Variants in SETDB1 observed in about 807,000 individuals in gnomAD.
The protein encoded by SETDB1 is histone-lysine N-methyltransferase SETDB1.
A neutral mutation model predicts 137.4 loss-of-function variants in SETDB1; 31 were observed. That is an observed-to-expected ratio of 0.23 (90% CI 0.17 to 0.30). The LOEUF (loss-of-function observed/expected upper bound fraction) is 0.30. SETDB1 is among the 10% of genes least tolerant of loss of function. The pLI is 1.00. For missense variants in SETDB1, 1,113 were observed against 1,631.5 expected (o/e 0.68, Z 5.47); for synonymous variants, 548 against 579.9 (o/e 0.95, Z 0.79).
Position 150,963,747 on chromosome 1 carries a change from A to AC in SETDB1, c.3672+10dup, listed in dbSNP as rs1670898158. On this transcript the variant is annotated splice_region_variant and intron_variant, in intron 20 of 21. Coordinates refer to ENST00000692827, the MANE Select transcript of SETDB1 (RefSeq NM_001366418.1). The stretch of plus-strand genomic sequence containing the variant: ...ACCTGGGCCGCTACCTCAACGTGAG[A>AC]CCCCTCTCCCCACCTCTAGATGCTG... The AC allele has an allele frequency of 6.2e-7, 1 of 1,612,944 alleles. No homozygotes were observed. Among genetic ancestry groups the AC allele is most frequent in the Admixed American group, 1.7e-5 (1 of 59,962 alleles).
intron 1 of SETDB1, 150 bp from the exon 2 acceptor site, chr1:150,927,554 A>T (rs753053588): frequency 1.5e-5 from 10 of 670,680 alleles, no homozygotes. Context: ...TCAGCATCAG[A>T]TTCTGGAGAA....
chr1:150,951,326 T>TC (rs1670484918), intron 13 of SETDB1, 39 bp from the exon 14 acceptor site: 1 of 1,423,756 alleles, frequency 7.0e-7, no homozygotes, highest in Non-Finnish European at 9.9e-7. Flanking sequence ...TGTTCTCTGA[T>TC]CCCCCCGCTC....
chr1:150,945,334 G>T (rs1356053766), intron 9 of SETDB1: 2 of 1,414,084 alleles, frequency 1.4e-6, no homozygotes, highest in Non-Finnish European at 1.8e-6. Context: ...GCATGGTTTT[G>T]ATTTATTTAT....
intron 18 of SETDB1, 109 bp from the exon 19 acceptor site, chr1:150,962,865 A>C: frequency 6.8e-7 from 1 of 1,470,704 alleles, no homozygotes; most frequent in South Asian, 1.2e-5. Context: ...TCCAGCATCT[A>C]ATCTTCCTCT....
In SETDB1 at chr1:150,949,215, C is replaced by T. The variant is rs776854168; in HGVS notation, c.1361C>T (p.Thr454Ile). The T allele has an allele frequency of 1.9e-6, 3 of 1,614,110 alleles. No individual in the cohort carries two copies. Among genetic ancestry groups the T allele is most frequent in the Non-Finnish European group, 1.7e-6 (2 of 1,180,000 alleles). The part of the protein sequence containing the change: ...QFKPVEPPQP[T>I]APPAPPFPPA... ...AAGCCAGTGGAACCCCCACAGCCTA[C>T]AGCTCCACCTGCCCCACCTTTCCCA... Residue 454 changes from threonine (T) to isoleucine (I), a missense_variant, in exon 11 of 22, where the codon ACA (threonine) becomes ATA (isoleucine). By Grantham distance (89) the Thr-to-Ile change is moderately conservative. Transcript: ENST00000692827.
intron 3 of SETDB1, among the ~76,000 whole-genome samples, chr1:150,939,604 C>T (rs796073153): frequency 5.9e-5 from 9 of 152,224 alleles, no homozygotes; most frequent in African/African-American, 1.9e-4. Flanking sequence ...GGATTACAGG[C>T]ATGAGCCACT....
intron 1 of SETDB1, among the ~76,000 whole-genome samples, chr1:150,926,961 A>G (rs1200221043): frequency 6.6e-6 from 1 of 152,230 alleles, no homozygotes; most frequent in African/African-American, 2.4e-5. Flanking sequence ...AAGTAATGAA[A>G]GAGAAAACAC....
chr1:150,928,746 C>A (rs1428214327), intron 2 of SETDB1, among the ~76,000 whole-genome samples: 1 of 151,078 alleles, frequency 6.6e-6, no homozygotes, highest in Non-Finnish European at 1.5e-5. Flanking sequence ...CCTCCCCCTT[C>A]CCCCCACCCC....
In SETDB1 at chr1:150,962,655, C is replaced by T. The variant is rs199779566; in HGVS notation, c.3230C>T (p.Pro1077Leu). 8 of 1,613,946 alleles carry T rather than the reference C, an allele frequency of 5.0e-6. No homozygotes were observed. The East Asian group carries it at 1.8e-4, about 36-fold the overall frequency. ...GTGAAGCCTGAAGGACTTCGCCGCC[C>T]ACCTAGTAAGACTAGTATGCATCAA... ...SPVKPEGLRRPPSKTSMHQSR... is the reference protein window; with the variant it reads ...SPVKPEGLRRLPSKTSMHQSR... The change falls in exon 18 of 22, where the codon CCA becomes CTA. Residue 1077 changes from proline (P) to leucine (L), a missense_variant. Pro to Leu is a moderately conservative substitution (Grantham distance 98). This residue lies in a region of SETDB1 where 373 missense variants were observed against 412.7 expected (regional missense o/e 0.90). Coordinates refer to ENST00000692827, the MANE Select transcript of SETDB1 (RefSeq NM_001366418.1).
In SETDB1 at chr1:150,960,802, G is replaced by C. The variant is rs1670792889; in HGVS notation, c.2743G>C (p.Glu915Gln). The change falls in exon 16 of 22, where the codon GAG (glutamate) becomes CAG (glutamine). Residue 915 changes from glutamate (E) to glutamine (Q), a missense_variant. Physicochemically the swap from Glu to Gln is conservative, Grantham distance 29. Transcript: ENST00000692827. ...CTCAGATGATAACTTCTGTAAGGAT[G>C]AGGACTTCAGCACCAGTTCAGTGTG... is the stretch of plus-strand genomic sequence containing the variant. ...DSSDDNFCKDEDFSTSSVWRS... is the reference protein window; with the variant it reads ...DSSDDNFCKDQDFSTSSVWRS... 4 of 1,608,498 alleles carry C rather than the reference G, an allele frequency of 2.5e-6. No homozygotes were observed. The South Asian group carries it at 4.4e-5, about 18-fold the overall frequency.
At position 150,964,508 on chromosome 1, in the gene SETDB1, T is replaced by C. The variant is rs1272710115; in HGVS notation, c.*144T>C. 1 of 719,534 alleles carries C rather than the reference T, an allele frequency of 1.4e-6. No homozygotes were observed. Among genetic ancestry groups the C allele is most frequent in the African/African-American group, 1.7e-5 (1 of 57,402 alleles). The allele number at this position is 719,534 out of a possible 1,614,324, so 44.6% of individuals were successfully genotyped here. A position where few individuals can be genotyped will look rare whatever the true frequency, so the allele number is the denominator to read the frequency against. On this transcript the variant is annotated 3_prime_UTR_variant, in exon 22 of 22. Transcript: ENST00000692827. ...ATAGAAATGGGGGTTCTGGACCAGA[T>C]GATCCCTTCCAATGTGGTGCTAGCA...
intron 12 of SETDB1, among the ~76,000 whole-genome samples, 180 bp downstream of exon 12, chr1:150,949,705 T>C (rs1670441160): frequency 6.6e-6 from 1 of 152,130 alleles, no homozygotes; most frequent in African/African-American, 2.4e-5. Context: ...AATAATTGAA[T>C]TGGAAGCTGG....
intron 3 of SETDB1, among the ~76,000 whole-genome samples, chr1:150,932,431 C>T (rs1186089053): frequency 6.6e-6 from 1 of 151,844 alleles, no homozygotes; most frequent in Non-Finnish European, 1.5e-5. Flanking sequence ...AGTGCTGAGG[C>T]CATTTAGGCT....
chr1:150,931,261 C>CAAAAAAAAAAAAAA lies in SETDB1; in HGVS notation c.412+1150_412+1163dup, dbSNP rs767694682. 5.8e-3 allele frequency among the ~76,000 whole-genome samples: 392 copies of CAAAAAAAAAAAAAA among 67,442 alleles called. 24 individuals carry two copies. Among genetic ancestry groups the CAAAAAAAAAAAAAA allele is most frequent in the Non-Finnish European group, 6.8e-3 (224 of 32,916 alleles). 44.2% of individuals were successfully genotyped at this position (67,442 alleles called of 152,430 possible). ...GGTGACAAAGCAAGACTCTTGTCTTCAAAAAAAAAAAAAAAAAAAAGGGTT... is the reference window on the plus strand; with the variant it reads ...GGTGACAAAGCAAGACTCTTGTCTTCAAAAAAAAAAAAAAAAAAAAAAAAAAAAAAAAAAGGGTT... On this transcript the variant is annotated intron_variant, in intron 3 of 21. Transcript: ENST00000692827.
In SETDB1 at chr1:150,949,410, A is replaced by T; in HGVS notation, c.1468A>T (p.Lys490Ter). ...TGCCCAGTCACGGAAGCAGGTAGCC[A>T]AAAAGAGCACGTCCTTTCGACCAGG... ...QLAQSRKQVA[K>*]KSTSFRPGSV... Residue 490 changes from lysine to a stop codon, truncating the protein, a stop_gained, in exon 12 of 22, where the codon AAA becomes TAA. Coordinates refer to ENST00000692827, the MANE Select transcript of SETDB1 (RefSeq NM_001366418.1). LOFTEE classifies it high-confidence loss of function. 1 of 1,614,202 alleles carries T rather than the reference A, an allele frequency of 6.2e-7. No homozygotes were observed. Among genetic ancestry groups the T allele is most frequent in the Non-Finnish European group, 8.5e-7 (1 of 1,180,014 alleles).
chr1:150,928,110 T>G (rs1303478032), intron 2 of SETDB1, 136 bp downstream of exon 2: 2 of 1,008,098 alleles, frequency 2.0e-6, no homozygotes, highest in Non-Finnish European at 2.9e-6. Context: ...CAAGCTAGAG[T>G]GCAGTGGAGT....
intron 19 of SETDB1, 108 bp downstream of exon 19, chr1:150,963,247 G>A: frequency 1.9e-6 from 2 of 1,027,858 alleles, no homozygotes; most frequent in Non-Finnish European, 2.9e-6. Flanking sequence ...CAGATCCTAA[G>A]AATTGGAGCA....
chr1:150,930,283 CAT>C, intron 3 of SETDB1, 165 bp downstream of exon 3: 4 of 587,340 alleles, frequency 6.8e-6, no homozygotes, highest in Non-Finnish European at 1.2e-5. Context: ...TTGTTAGTAT[CAT>C]AGATGTTCCC....
At position 150,949,538 on chromosome 1, in the gene SETDB1, G is replaced by A. The variant is rs1277767571; in HGVS notation, c.1583+13G>A. 1 of 1,613,352 alleles carries A rather than the reference G, an allele frequency of 6.2e-7. No individual in the cohort carries two copies. Among genetic ancestry groups the A allele is most frequent in the East Asian group, 2.2e-5 (1 of 44,876 alleles). ...ACCAGACATATAGGTGAGAAAATCT[G>A]AGGCTCTCTGTAGGCAGGATAGCAA... On this transcript the variant is annotated intron_variant, in intron 12 of 21. Transcript: ENST00000692827.
Sources: gnomAD v4.1 joint callset for allele counts (sites outside exome capture counted in the v4.1 genomes callset) on GRCh38, gnomAD v4.1.1 for gene constraint, gnomAD v4.1.1 regional missense constraint, MANE v1.5 for transcripts, NCBI Gene and HGNC (gene_info 2026-07-23, HGNC 2026-07-21) for gene names.